Variants in DLGAP1 observed in about 807,000 individuals in gnomAD.
The protein encoded by DLGAP1 is disks large-associated protein 1.
DLGAP1 carries 11 observed loss-of-function variants against 90.8 expected under a neutral mutation model. That is an observed-to-expected ratio of 0.12 (90% confidence interval 0.08 to 0.20). DLGAP1 has a LOEUF of 0.20. Among genes scored for constraint, DLGAP1 ranks in the 10% least tolerant of loss-of-function variants. DLGAP1 has a pLI of 1.00. For missense variants in DLGAP1, 1,050 were observed against 1,333.8 expected, an observed-to-expected ratio of 0.79 and a Z score of 3.31; for synonymous variants, 558 against 540.7, an observed-to-expected ratio of 1.03 and a Z score of -0.44.
intron 11 of DLGAP1, among the ~76,000 whole-genome samples, chr18:3,505,901 A>G (rs952777774): frequency 6.6e-6 from 1 of 152,158 alleles, no homozygotes; most frequent in African/African-American, 2.4e-5. Context: ...ACTAGGAAAC[A>G]TCAAAAGCTG....
intron 1 of DLGAP1, among the ~76,000 whole-genome samples, chr18:4,185,744 C>T (rs573925229): frequency 3.6e-4 from 55 of 152,214 alleles, no homozygotes; most frequent in African/African-American, 1.3e-3. Flanking sequence ...CTGCAATGAA[C>T]GTTTGCATGC....
At chr18:4,417,047 C>T (rs575145708) in intron 1 of DLGAP1, among the ~76,000 whole-genome samples, 11 of 152,222 alleles carry the variant, frequency 7.2e-5, no homozygotes, top group Middle Eastern at 3.4e-3. Context: ...AAGTCAACCC[C>T]GGTCTTGTTC....
At chr18:4,150,399 C>CT (rs1011745010) in intron 2 of DLGAP1, among the ~76,000 whole-genome samples, 20 of 151,328 alleles carry the variant, frequency 1.3e-4, no homozygotes, top group African/African-American at 3.9e-4. Context: ...GTTTTCTTTT[C>CT]TTTTTTTTTG....
chr18:3,876,614 T>TG (rs1157435086), intron 4 of DLGAP1, among the ~76,000 whole-genome samples: 5 of 152,330 alleles, frequency 3.3e-5, no homozygotes, highest in Non-Finnish European at 5.9e-5. Context: ...GCTATTACTC[T>TG]GGGGAAGAAG....
intron 2 of DLGAP1, among the ~76,000 whole-genome samples, chr18:4,014,151 T>A (rs2149100925): frequency 6.7e-6 from 1 of 148,996 alleles, no homozygotes; most frequent in Admixed American, 6.8e-5. Flanking sequence ...AGTGGCATGA[T>A]CTCGACTCAC....
chr18:4,133,969 T>C (rs908576016), intron 2 of DLGAP1, among the ~76,000 whole-genome samples: 1 of 149,882 alleles, frequency 6.7e-6, no homozygotes, highest in African/African-American at 2.5e-5. Flanking sequence ...GACCCAAAGA[T>C]TTTGACATTG....
chr18:3,560,422 A>T, intron 9 of DLGAP1, among the ~76,000 whole-genome samples: 1 of 140,754 alleles, frequency 7.1e-6, no homozygotes, highest in African/African-American at 2.8e-5. Flanking sequence ...CCGTCTCAAA[A>T]AAAAAAAAAA....
chr18:3,669,379 A>C (rs1449538493), intron 7 of DLGAP1, among the ~76,000 whole-genome samples: 2 of 152,062 alleles, frequency 1.3e-5, no homozygotes, highest in Non-Finnish European at 2.9e-5. Context: ...TTCCTGCCCA[A>C]ATGTTGCATT....
At chr18:3,744,038 T>C (rs1598558135) in intron 5 of DLGAP1, among the ~76,000 whole-genome samples, 1 of 152,210 alleles carries the variant, frequency 6.6e-6, no homozygotes, top group South Asian at 2.1e-4. Flanking sequence ...GGCTGTAACA[T>C]TGTTCCTAAT....
chr18:3,717,039 CTTTT>C (rs56981271), intron 7 of DLGAP1, among the ~76,000 whole-genome samples: 4 of 113,850 alleles, frequency 3.5e-5, no homozygotes, highest in Non-Finnish European at 5.5e-5. Flanking sequence ...GTGAGTTTGC[CTTTT>C]TTTTTTTTTT....
At chr18:4,000,602 C>G (rs2074163175) in intron 3 of DLGAP1, among the ~76,000 whole-genome samples, 1 of 152,204 alleles carries the variant, frequency 6.6e-6, no homozygotes, top group Non-Finnish European at 1.5e-5. Flanking sequence ...AGGAAAGGCT[C>G]ATAGGAACAT....
At chr18:4,128,701 A>T (rs1209930429) in intron 2 of DLGAP1, among the ~76,000 whole-genome samples, 5 of 152,198 alleles carry the variant, frequency 3.3e-5, no homozygotes, top group Non-Finnish European at 7.4e-5. Flanking sequence ...GCTATCAGCG[A>T]GGATCCAAGT....
chr18:4,226,857 T>G (rs1475470714), intron 1 of DLGAP1, among the ~76,000 whole-genome samples: 1 of 151,960 alleles, frequency 6.6e-6, no homozygotes, highest in Non-Finnish European at 1.5e-5. Context: ...AGTCCTTACT[T>G]GTCAGTAATA....
chr18:3,678,299 C>T (rs1216582202), intron 7 of DLGAP1, among the ~76,000 whole-genome samples: 1 of 151,996 alleles, frequency 6.6e-6, no homozygotes, highest in African/African-American at 2.4e-5. Flanking sequence ...GCCTTTCCCA[C>T]CTCCAGGTCA....
At chr18:4,216,837 G>A (rs1425558797) in intron 1 of DLGAP1, among the ~76,000 whole-genome samples, 2 of 152,084 alleles carry the variant, frequency 1.3e-5, no homozygotes, top group East Asian at 1.9e-4. Flanking sequence ...TCTTGCATGA[G>A]TGGGGTACAT....
At chr18:4,249,864 T>C (rs891145729) in intron 1 of DLGAP1, among the ~76,000 whole-genome samples, 8 of 152,330 alleles carry the variant, frequency 5.3e-5, no homozygotes, top group Admixed American at 5.2e-4. Context: ...GCTGGGATTA[T>C]GGGCGTGAGC....
At chr18:3,537,842 C>T (rs112555129) in intron 9 of DLGAP1, among the ~76,000 whole-genome samples, 35 of 152,210 alleles carry the variant, frequency 2.3e-4, no homozygotes, top group African/African-American at 8.4e-4. Flanking sequence ...TGAGGTGGTA[C>T]ATTTCTTTGA....
At chr18:3,647,322 A>G (rs2059157613) in intron 7 of DLGAP1, among the ~76,000 whole-genome samples, 1 of 151,944 alleles carries the variant, frequency 6.6e-6, no homozygotes, top group Non-Finnish European at 1.5e-5. Context: ...CAAAAGTAGC[A>G]GCATATGAAT....
At chr18:3,833,721 G>T (rs2068196960) in intron 4 of DLGAP1, among the ~76,000 whole-genome samples, 1 of 152,164 alleles carries the variant, frequency 6.6e-6, no homozygotes, top group African/African-American at 2.4e-5. Flanking sequence ...TCCTTTTGGA[G>T]CATTCTCATA....
Sources: allele counts gnomAD v4.1 joint callset (sites outside exome capture counted in the v4.1 genomes callset), GRCh38; gene constraint gnomAD v4.1.1; transcripts MANE v1.5; gene names NCBI Gene and HGNC (gene_info 2026-07-23, HGNC 2026-07-21).